DOCK3: variants seen among roughly 807,000 people sequenced by gnomAD.
The protein encoded by DOCK3 is dedicator of cytokinesis protein 3.
A neutral mutation model predicts 265.6 loss-of-function variants in DOCK3; 60 were observed. The observed-to-expected ratio is 0.23, with a 90% CI of 0.18 to 0.28. The LOEUF (loss-of-function observed/expected upper bound fraction) is 0.28, where lower values mean the gene tolerates loss of function less well. DOCK3 is among the 10% of genes least tolerant of loss of function. The pLI, the probability that DOCK3 is intolerant of heterozygous loss-of-function variation, is 1.00. For missense variants in DOCK3, 1,981 were observed against 2,594.3 expected (o/e 0.76, Z 5.14); for synonymous variants, 881 against 938.0 (o/e 0.94, Z 1.11).
rs2033825415 is a variant in DOCK3, at chr3:50,674,973, G to C, written c.-291G>C. The C allele has an allele frequency of 6.7e-6, 1 of 149,198 alleles. No individual in the cohort carries two copies. Among genetic ancestry groups the C allele is most frequent in the Non-Finnish European group, 1.5e-5 (1 of 67,306 alleles). The allele number at this position is 149,198 out of a possible 1,614,324, so 9.2% of individuals were successfully genotyped here. ...GCCGCGGCGGCGCCGGGAGCCGGGC[G>C]GCGGAGCTGTGAAGAAGCAAGCGGC... On this transcript the variant is annotated 5_prime_UTR_variant, in exon 1 of 53. Transcript: ENST00000266037. The surrounding 1 kb of genome is among the most constrained non-coding windows in gnomAD (Gnocchi z 4.3).
chr3:50,967,319 T>G (rs369062960), intron 5 of DOCK3, among the ~76,000 whole-genome samples: 1 of 152,344 alleles, frequency 6.6e-6, no homozygotes, highest in East Asian at 1.9e-4. Context: ...GACCACTAGA[T>G]CCAACCATGT....
intron 5 of DOCK3, among the ~76,000 whole-genome samples, chr3:51,059,242 G>T (rs2081314191): frequency 6.6e-6 from 1 of 151,792 alleles, no homozygotes; most frequent in African/African-American, 2.4e-5. Context: ...ATTTTATAAG[G>T]GCACTAATCC....
chr3:51,317,366 G>A (rs1033671456), intron 32 of DOCK3, among the ~76,000 whole-genome samples: 6 of 151,036 alleles, frequency 4.0e-5, no homozygotes, highest in Non-Finnish European at 5.9e-5. Flanking sequence ...GTTAGGAGGA[G>A]TAAGCTTTAG....
intron 3 of DOCK3, among the ~76,000 whole-genome samples, chr3:50,846,313 C>T (rs2046079541): frequency 6.6e-6 from 1 of 152,002 alleles, no homozygotes. Flanking sequence ...TGAATTATTA[C>T]AGTGAAAAAA....
At chr3:51,300,192 T>C (rs1207165650) in intron 27 of DOCK3, among the ~76,000 whole-genome samples, 2 of 152,160 alleles carry the variant, frequency 1.3e-5, no homozygotes, top group African/African-American at 4.8e-5. Context: ...TGGGAGTTCA[T>C]TCATGATTTG....
intron 3 of DOCK3, among the ~76,000 whole-genome samples, chr3:50,860,202 T>G (rs368409276): frequency 4.8e-4 from 73 of 152,290 alleles, no homozygotes; most frequent in African/African-American, 1.7e-3. Context: ...CTGCTCTTTT[T>G]GGGTTGACTG....
At chr3:51,148,984 A>G (rs373567016) in intron 10 of DOCK3, among the ~76,000 whole-genome samples, 1 of 152,226 alleles carries the variant, frequency 6.6e-6, no homozygotes, top group Admixed American at 6.5e-5. Flanking sequence ...AGCATGGAAT[A>G]TTCTTCCATT....
At chr3:51,308,338 T>C (rs2082825361) in intron 27 of DOCK3, among the ~76,000 whole-genome samples, 1 of 151,426 alleles carries the variant, frequency 6.6e-6, no homozygotes, top group South Asian at 2.1e-4. Context: ...CAAAGGTCTC[T>C]GGTTTTCCTA....
intron 9 of DOCK3, among the ~76,000 whole-genome samples, chr3:51,092,628 G>A (rs986245024): frequency 2.0e-5 from 3 of 152,078 alleles, no homozygotes; most frequent in Non-Finnish European, 4.4e-5. Context: ...TCTGAAGAGA[G>A]CAGCGGACCT....
At chr3:50,853,310 C>A (rs78699387) in intron 3 of DOCK3, among the ~76,000 whole-genome samples, 1 of 144,256 alleles carries the variant, frequency 6.9e-6, no homozygotes, top group Admixed American at 6.9e-5. Context: ...TTTTTTTTTT[C>A]TTTAAAATTA....
chr3:50,803,380 C>T (rs962822059), intron 2 of DOCK3, among the ~76,000 whole-genome samples: 3 of 152,106 alleles, frequency 2.0e-5, no homozygotes, highest in East Asian at 3.9e-4. Context: ...TCAGAGAGCA[C>T]GGGGTTGGGG....
At chr3:50,930,285 A>C (rs1001869272) in intron 4 of DOCK3, among the ~76,000 whole-genome samples, 7 of 152,182 alleles carry the variant, frequency 4.6e-5, no homozygotes, top group Non-Finnish European at 1.0e-4. Context: ...ATGTTTCCCT[A>C]TTTCCATAGT....
chr3:50,711,188 C>T (rs2036741189), intron 1 of DOCK3, among the ~76,000 whole-genome samples: 1 of 151,390 alleles, frequency 6.6e-6, no homozygotes, highest in South Asian at 2.1e-4. Flanking sequence ...TTACATAGTA[C>T]ATTAATTGAT....
chr3:50,907,222 A>G (rs185094744), intron 4 of DOCK3, among the ~76,000 whole-genome samples: 153 of 152,152 alleles, frequency 1.0e-3, no homozygotes, highest in African/African-American at 3.1e-3. Flanking sequence ...AGAAGAATGT[A>G]TATTCTTTTG....
chr3:51,127,428 G>T (rs569513405), intron 9 of DOCK3, among the ~76,000 whole-genome samples: 110 of 152,204 alleles, frequency 7.2e-4, no homozygotes, highest in African/African-American at 2.6e-3. Flanking sequence ...ACAATAATAA[G>T]GTCATAATTA....
At chr3:50,886,231 C>G (rs1301572272) in intron 3 of DOCK3, among the ~76,000 whole-genome samples, 2 of 142,940 alleles carry the variant, frequency 1.4e-5, no homozygotes, top group Admixed American at 7.2e-5. Flanking sequence ...TAGGTATGCA[C>G]TAGGTGTTAT....
At chr3:50,943,428 T>A (rs1329635209) in intron 5 of DOCK3, among the ~76,000 whole-genome samples, 1 of 152,128 alleles carries the variant, frequency 6.6e-6, no homozygotes, top group Non-Finnish European at 1.5e-5. Context: ...GTACGTTATA[T>A]AATAAAGTGA....
At position 51,227,304 on chromosome 3, in the gene DOCK3, G is replaced by A. The variant is rs759506063; in HGVS notation, c.1399G>A (p.Gly467Arg). 6.2e-7 allele frequency: 1 copy of A among 1,613,764 alleles called. No homozygotes were observed. The highest frequency in any genetic ancestry group is 8.5e-7 in the Non-Finnish European group (1 of 1,179,824). Reference sequence around the variant, plus strand: ...CCAGGATTGCATCAGCTTGGGTTCAGGAGAGCCAAATAGGAGTTCCTACCA... The same window carrying A: ...CCAGGATTGCATCAGCTTGGGTTCAAGAGAGCCAAATAGGAGTTCCTACCA... ...ILKDCISLGS[G>R]EPNRSSYHSF... is the part of the protein sequence containing the mutation. The change falls in exon 16 of 53, where the codon GGA becomes AGA. Residue 467 changes from glycine to arginine, a missense_variant. By Grantham distance (125) the Gly-to-Arg change is moderately radical. This residue lies in a region of DOCK3 where 1,357 missense variants were observed against 1,866.8 expected (regional missense o/e 0.73). Coordinates refer to ENST00000266037, the MANE Select transcript of DOCK3 (RefSeq NM_004947.5).
intron 14 of DOCK3, among the ~76,000 whole-genome samples, chr3:51,219,545 T>C (rs2089971786): frequency 1.3e-5 from 2 of 152,224 alleles, no homozygotes; most frequent in African/African-American, 4.8e-5. Flanking sequence ...CTAGAAAATC[T>C]TAACAAGCTT....
Sources: gnomAD v4.1 joint callset for allele counts (sites outside exome capture counted in the v4.1 genomes callset) on GRCh38, gnomAD v4.1.1 for gene constraint, gnomAD v4.1.1 regional missense constraint, Gnocchi (gnomAD v3.1) non-coding constraint, MANE v1.5 for transcripts, NCBI Gene and HGNC (gene_info 2026-07-23, HGNC 2026-07-21) for gene names.